PTPRN2: variants seen among roughly 807,000 people sequenced by gnomAD.
The protein encoded by PTPRN2 is receptor-type tyrosine-protein phosphatase N2.
A neutral mutation model predicts 118.8 loss-of-function variants in PTPRN2; 74 were observed. The observed-to-expected ratio is 0.62, with a 90% confidence interval of 0.52 to 0.76. The LOEUF (loss-of-function observed/expected upper bound fraction) is 0.76, where lower values mean the gene tolerates loss of function less well. Ranked by LOEUF, PTPRN2 falls within the 30% of genes least tolerant of loss-of-function variation. The pLI is 0.00. For missense variants in PTPRN2, 1,481 were observed against 1,394.4 expected (o/e 1.06, Z -0.99); for synonymous variants, 641 against 608.0 (o/e 1.05, Z -0.80).
At chr7:158,373,649 T>C (rs190287536) in intron 2 of PTPRN2, among the ~76,000 whole-genome samples, 27 of 152,360 alleles carry the variant, frequency 1.8e-4, no homozygotes. Flanking sequence ...GCAATTAATG[T>C]GATTCATCCA....
intron 12 of PTPRN2, among the ~76,000 whole-genome samples, chr7:157,847,163 C>T (rs1290777156): frequency 1.6e-4 from 14 of 89,432 alleles, no homozygotes; most frequent in Admixed American, 2.4e-4. Context: ...TGCCCGATGT[C>T]GACAGAGCCC....
intron 5 of PTPRN2, among the ~76,000 whole-genome samples, chr7:158,179,913 C>T (rs1208654324): frequency 6.6e-6 from 1 of 152,258 alleles, no homozygotes; most frequent in Non-Finnish European, 1.5e-5. Context: ...ATAAACCACT[C>T]TTAACCCTCA....
chr7:158,571,512 C>CAAAAAAAAAA (rs1828034330), intron 1 of PTPRN2, among the ~76,000 whole-genome samples: 1 of 130,318 alleles, frequency 7.7e-6, no homozygotes, highest in Non-Finnish European at 1.5e-5. Flanking sequence ...CAAAAAAAAA[C>CAAAAAAAAAA]ACACACCTAT....
chr7:157,940,408 C>G (rs1455810418), intron 11 of PTPRN2, among the ~76,000 whole-genome samples: 2 of 152,106 alleles, frequency 1.3e-5, no homozygotes, highest in Non-Finnish European at 2.9e-5. Context: ...ATGAAGAAGC[C>G]TAGAAATTCT....
intron 12 of PTPRN2, among the ~76,000 whole-genome samples, chr7:157,766,600 G>A (rs1802504336): frequency 6.6e-6 from 1 of 152,192 alleles, no homozygotes; most frequent in Non-Finnish European, 1.5e-5. Flanking sequence ...CTTGCAGAGT[G>A]TGTTTGGATG....
chr7:158,138,550 G>A (rs751441830), intron 6 of PTPRN2, 35 bp from the exon 7 acceptor site: 7 of 1,588,362 alleles, frequency 4.4e-6, no homozygotes, highest in Middle Eastern at 1.7e-4. Context: ...GGACGTTGTG[G>A]GTGGACGAAT....
intron 13 of PTPRN2, among the ~76,000 whole-genome samples, chr7:157,669,220 G>A (rs916510633): frequency 6.6e-6 from 1 of 152,226 alleles, no homozygotes; most frequent in Non-Finnish European, 1.5e-5. Context: ...CTGAATGCCA[G>A]GGGAGCCTCC....
intron 11 of PTPRN2, among the ~76,000 whole-genome samples, chr7:157,940,507 TTGACACTGCAAATCTCATACCCTCCCCTG>T (rs1799988005): frequency 9.6e-6 from 1 of 103,794 alleles, no homozygotes. Context: ...ACCCTCCCCC[TTGACACTGCAAATCTCATACCCTCCCCTG>T]TGACACTGCA....
At chr7:157,839,573 G>C (rs1260838840) in intron 12 of PTPRN2, among the ~76,000 whole-genome samples, 1 of 152,068 alleles carries the variant, frequency 6.6e-6, no homozygotes, top group African/African-American at 2.4e-5. Flanking sequence ...GATTGTGTGT[G>C]TGACTGTGTG....
chr7:158,506,458 G>C (rs1444788041), intron 1 of PTPRN2, among the ~76,000 whole-genome samples: 1 of 152,096 alleles, frequency 6.6e-6, no homozygotes, highest in African/African-American at 2.4e-5. Flanking sequence ...GCACTTCAGA[G>C]GCTTCCTGAG....
intron 12 of PTPRN2, among the ~76,000 whole-genome samples, chr7:157,851,017 G>A (rs933050294): frequency 3.9e-5 from 6 of 152,192 alleles, no homozygotes; most frequent in African/African-American, 9.7e-5. Context: ...GCGGGCTGTC[G>A]AACAAAAGGC....
At chr7:157,919,837 G>A (rs879607992) in intron 11 of PTPRN2, among the ~76,000 whole-genome samples, 1 of 152,208 alleles carries the variant, frequency 6.6e-6, no homozygotes, top group African/African-American at 2.4e-5. Flanking sequence ...GGTCCCATAA[G>A]AGTATGACGG....
chr7:157,613,444 G>A (rs1038493744), intron 15 of PTPRN2, among the ~76,000 whole-genome samples: 18 of 152,304 alleles, frequency 1.2e-4, no homozygotes, highest in Admixed American at 2.0e-4. Context: ...TGCGCCTCCC[G>A]CGGCTGCGGC....
intron 17 of PTPRN2, among the ~76,000 whole-genome samples, chr7:157,589,874 C>T (rs994839099): frequency 2.6e-5 from 4 of 152,234 alleles, no homozygotes; most frequent in East Asian, 1.9e-4. Context: ...GGGCTGACAG[C>T]GGCGGCGTGG....
rs1476279878 is a variant in PTPRN2, at chr7:158,126,930, C to A, written c.1556+6747G>T. 7.2e-5 allele frequency among the ~76,000 whole-genome samples: 11 copies of A among 152,232 alleles called. No individual in the cohort carries two copies. The East Asian group carries it at 2.1e-3, about 29-fold the overall frequency. ...CACTGGCCTCTCTGAATTCCACATTCCAACTGAACCCCCACAGAGGTGAGC... is the reference window on the plus strand; with the variant it reads ...CACTGGCCTCTCTGAATTCCACATTACAACTGAACCCCCACAGAGGTGAGC... On this transcript the variant is annotated intron_variant, in intron 9 of 22. Coordinates refer to ENST00000389418, the MANE Select transcript of PTPRN2 (RefSeq NM_002847.5).
chr7:158,474,999 TG>T (rs1172930114), intron 2 of PTPRN2, among the ~76,000 whole-genome samples: 2 of 152,020 alleles, frequency 1.3e-5, no homozygotes, highest in Non-Finnish European at 2.9e-5. Flanking sequence ...CTGAGGAGCC[TG>T]GTGGTCCTCG....
At chr7:157,727,610 T>C (rs987376342) in intron 12 of PTPRN2, among the ~76,000 whole-genome samples, 1 of 152,192 alleles carries the variant, frequency 6.6e-6, no homozygotes, top group Non-Finnish European at 1.5e-5. Context: ...GTGGTGGAGA[T>C]GCTCGCACAA....
At chr7:157,725,373 C>T (rs1799501843) in intron 12 of PTPRN2, among the ~76,000 whole-genome samples, 1 of 80,834 alleles carries the variant, frequency 1.2e-5, no homozygotes, top group Admixed American at 1.2e-4. Flanking sequence ...GTGGCCAGAC[C>T]CTCGCCTCCC....
intron 2 of PTPRN2, among the ~76,000 whole-genome samples, chr7:158,357,818 T>C (rs761546604): frequency 8.5e-5 from 13 of 152,154 alleles, no homozygotes; most frequent in South Asian, 2.1e-4. Context: ...GGGTGTCCCA[T>C]TGGGACAGTG....
Sources: allele counts gnomAD v4.1 joint callset (sites outside exome capture counted in the v4.1 genomes callset), GRCh38; gene constraint gnomAD v4.1.1; transcripts MANE v1.5; gene names NCBI Gene and HGNC (gene_info 2026-07-23, HGNC 2026-07-21).